The following SFI1 variants were observed in gnomAD, a reference collection of about 807,000 sequenced individuals.
SFI1 encodes protein SFI1 homolog.
In SFI1, 195 loss-of-function variants were observed where a neutral mutation model predicts 207.5. The observed-to-expected ratio is 0.94, with a 90% CI of 0.84 to 1.06. The LOEUF is 1.06. SFI1 is among the 50% of genes least tolerant of loss of function. SFI1 has a pLI of 0.00. For missense variants in SFI1, 1,634 were observed against 1,588.0 expected, an observed-to-expected ratio of 1.03 and a Z score of -0.49; for synonymous variants, 630 against 598.9, an observed-to-expected ratio of 1.05 and a Z score of -0.76.
intron 7 of SFI1, among the ~76,000 whole-genome samples, chr22:31,557,789 C>A (rs2061318585): frequency 6.6e-6 from 1 of 152,184 alleles, no homozygotes; most frequent in South Asian, 2.1e-4. Flanking sequence ...CTAGGGCTCA[C>A]CCACCCATGC....
chr22:31,606,260 T>C, intron 20 of SFI1, 68 bp from the exon 21 acceptor site: 1 of 1,431,678 alleles, frequency 7.0e-7, no homozygotes, highest in South Asian at 1.1e-5. Context: ...GTAGGAATGA[T>C]TCACAGAAGC....
chr22:31,558,118 C>T (rs150598227), intron 7 of SFI1, among the ~76,000 whole-genome samples: 1,782 of 152,256 alleles, frequency 0.012, 10 homozygotes, highest in Middle Eastern at 0.031. Context: ...TTTTCCTCAT[C>T]TGTGAAATAG....
intron 1 of SFI1, among the ~76,000 whole-genome samples, chr22:31,497,841 C>A (rs1167381193): frequency 6.6e-6 from 1 of 152,142 alleles, no homozygotes; most frequent in East Asian, 1.9e-4. Context: ...GGATTCCTTT[C>A]AAGATATTAC....
At position 31,614,651 on chromosome 22, in the gene SFI1, C is replaced by A. The variant is rs73881393; in HGVS notation, c.2997-138C>A. On this transcript the variant is annotated intron_variant, in intron 27 of 32. Transcript: ENST00000400288. The stretch of plus-strand genomic sequence containing the variant: ...CTGGGAGCTCTATGGCCCAGGCCCA[C>A]CCCAGCTTACTTGCTGACCTTGGCC... The A allele has an allele frequency of 4.6e-3, 4,435 of 956,014 alleles. 119 individuals carry two copies. In the African/African-American group the frequency reaches 0.057, roughly 12 times the overall value. 59.2% of individuals were successfully genotyped at this position (956,014 alleles called of 1,614,324 possible).
intron 31 of SFI1, 130 bp from the exon 32 acceptor site, chr22:31,617,985 A>T: frequency 1.0e-6 from 1 of 996,032 alleles, no homozygotes; most frequent in Non-Finnish European, 1.4e-6. Context: ...AGTTCAGGTC[A>T]GGGGCCCTAC....
intron 13 of SFI1, among the ~76,000 whole-genome samples, 158 bp from the exon 14 acceptor site, chr22:31,584,910 A>G (rs2064819567): frequency 6.6e-6 from 1 of 152,200 alleles, no homozygotes; most frequent in African/African-American, 2.4e-5. Flanking sequence ...CAAATTTTAT[A>G]TTAGATATCA....
intron 1 of SFI1, among the ~76,000 whole-genome samples, chr22:31,506,992 G>T (rs1487960095): frequency 3.3e-5 from 5 of 152,096 alleles, no homozygotes. Flanking sequence ...ATTCTTCACA[G>T]AATTAGAAAA....
At chr22:31,603,236 C>T (rs1320341878) in intron 17 of SFI1, among the ~76,000 whole-genome samples, 1 of 152,118 alleles carries the variant, frequency 6.6e-6, no homozygotes, top group African/African-American at 2.4e-5. Context: ...CTGCCTCAAA[C>T]GAACAAAAGT....
chr22:31,586,009 T>C (rs113400849), intron 14 of SFI1, among the ~76,000 whole-genome samples: 1,713 of 152,216 alleles, frequency 0.011, 18 homozygotes, highest in Middle Eastern at 0.048. Flanking sequence ...GCTAGTTCCC[T>C]ATAGTTTGGG....
At chr22:31,499,432 A>G (rs982035430) in intron 1 of SFI1, among the ~76,000 whole-genome samples, 31 of 152,136 alleles carry the variant, frequency 2.0e-4, no homozygotes, top group African/African-American at 7.5e-4. Flanking sequence ...TCAGCCTCCC[A>G]AAGTGCTGGG....
At chr22:31,616,925 G>A (rs376187714) in intron 30 of SFI1, 48 bp downstream of exon 30, 83 of 1,611,740 alleles carry the variant, frequency 5.1e-5, no homozygotes, top group East Asian at 6.7e-5. Context: ...GGCCACTCCC[G>A]GACCTGGGAC....
At chr22:31,617,376 C>T (rs1013564126) in intron 31 of SFI1, among the ~76,000 whole-genome samples, 6 of 152,040 alleles carry the variant, frequency 3.9e-5, no homozygotes, top group Non-Finnish European at 8.8e-5. Context: ...ACTCTAAAAA[C>T]CCGATGAGGC....
chr22:31,538,285 A>G (rs1157388371), intron 4 of SFI1: 1 of 101,822 alleles, frequency 9.8e-6, no homozygotes, highest in Non-Finnish European at 2.2e-5. Context: ...TTTTTTTTTT[A>G]AGTACAATTT....
intron 3 of SFI1, chr22:31,530,618 G>C: frequency 2.1e-6 from 1 of 470,692 alleles, no homozygotes; most frequent in Non-Finnish European, 4.4e-6. Flanking sequence ...GGGAATGACA[G>C]ACACCCTGTG....
At position 31,614,169 on chromosome 22, in the gene SFI1, T is replaced by C. The variant is rs2070927803; in HGVS notation, c.2996+314T>C. 7 of 397,892 alleles carry C rather than the reference T, an allele frequency of 1.8e-5. No individual in the cohort carries two copies. The South Asian group carries it at 3.2e-4, about 18-fold the overall frequency. 24.6% of individuals were successfully genotyped at this position (397,892 alleles called of 1,614,324 possible). ...ACGATCTTTTCCGGAGTCATACACG[T>C]AGTTGACAAAGGGAACAAGCTCAGC... is the stretch of plus-strand genomic sequence containing the variant. On this transcript the variant is annotated intron_variant, in intron 27 of 32. Transcript: ENST00000400288.
chr22:31,588,321 A>G (rs530420605), intron 14 of SFI1, among the ~76,000 whole-genome samples: 1 of 152,334 alleles, frequency 6.6e-6, no homozygotes, highest in Admixed American at 6.5e-5. Flanking sequence ...GTCAGCTATC[A>G]GAGCTTCAAA....
At chr22:31,527,318 A>G (rs1199838757) in intron 2 of SFI1, among the ~76,000 whole-genome samples, 1 of 152,110 alleles carries the variant, frequency 6.6e-6, no homozygotes, top group Admixed American at 6.6e-5. Context: ...CTTGACTTTC[A>G]TTTCTTTAAA....
intron 2 of SFI1, among the ~76,000 whole-genome samples, chr22:31,519,019 C>T (rs1306270472): frequency 6.6e-6 from 1 of 152,178 alleles, no homozygotes; most frequent in African/African-American, 2.4e-5. Flanking sequence ...CTGTGCCCCT[C>T]TTCCCTTTGT....
At chr22:31,520,561 T>C (rs2057102850) in intron 2 of SFI1, among the ~76,000 whole-genome samples, 1 of 152,156 alleles carries the variant, frequency 6.6e-6, no homozygotes, top group African/African-American at 2.4e-5. Context: ...GTTTTTTGTT[T>C]TTTGTTTTAG....
Sources: allele counts gnomAD v4.1 joint callset (sites outside exome capture counted in the v4.1 genomes callset), GRCh38; gene constraint gnomAD v4.1.1; transcripts MANE v1.5; gene names NCBI Gene and HGNC (gene_info 2026-07-23, HGNC 2026-07-21).